Variants in C6 observed in about 807,000 individuals in gnomAD.
C6 encodes the protein complement C6, also known as complement component C6.
Under a neutral mutation model 112.9 loss-of-function variants are expected in C6, and 101 were observed. The ratio of observed to expected loss-of-function variants is 0.89; its 90% confidence interval spans 0.76 to 1.06. The LOEUF is 1.06. Ranked by LOEUF, C6 falls within the 50% of genes least tolerant of loss-of-function variation. The pLI is 0.00. For missense variants in C6, 1,202 were observed against 1,104.6 expected (o/e 1.09, Z -1.25); for synonymous variants, 431 against 384.1 (o/e 1.12, Z -1.43).
At chr5:41,214,655 A>C (rs144700334), upstream of C6, among the ~76,000 whole-genome samples, 1 of 152,286 alleles carries the variant, frequency 6.6e-6, no homozygotes, top group African/African-American at 2.4e-5. Context: ...CAGGAAAAGA[A>C]ATATTTGGTG....
chr5:41,246,404 T>C (rs1426927770), intron 1 of C6, among the ~76,000 whole-genome samples: 1 of 152,204 alleles, frequency 6.6e-6, no homozygotes, highest in Non-Finnish European at 1.5e-5. Context: ...GTTTTTGAAA[T>C]TGCATCCAAC....
intron 7 of C6, among the ~76,000 whole-genome samples, chr5:41,180,076 CTT>C (rs1580126598): frequency 6.6e-6 from 1 of 152,120 alleles, no homozygotes; most frequent in East Asian, 1.9e-4. Context: ...CTGATAATCT[CTT>C]AGAATTGTTT....
intron 1 of C6, among the ~76,000 whole-genome samples, chr5:41,209,411 G>A (rs183660864): frequency 4.5e-4 from 69 of 152,256 alleles, no homozygotes; most frequent in African/African-American, 1.5e-3. Context: ...TATTCAATTA[G>A]GAAAAGAGGG....
rs574803457 is a variant in C6, at chr5:41,229,093, C to T, written c.-20-25843G>A. On this transcript the variant is annotated intron_variant, in intron 1 of 17. Coordinates refer to the C6 transcript ENST00000263413. The stretch of plus-strand genomic sequence containing the variant: ...TAGTGCCACTGCACTCCAGCTTGGG[C>T]GACAGAGCACGACTCCATCAAAAAG... 9.9e-5 allele frequency among the ~76,000 whole-genome samples: 15 copies of T among 152,072 alleles called. 1 individual carries two copies. The highest frequency in any genetic ancestry group is 2.6e-4 in the African/African-American group (11 of 41,510).
intron 6 of C6, among the ~76,000 whole-genome samples, chr5:41,183,918 A>G (rs1409355604): frequency 6.6e-6 from 1 of 150,490 alleles, no homozygotes; most frequent in Non-Finnish European, 1.5e-5. Context: ...TATAAGTGAG[A>G]GCTAAACATC....
chr5:41,240,645 C>G (rs569388095), intron 1 of C6, among the ~76,000 whole-genome samples: 1 of 152,072 alleles, frequency 6.6e-6, no homozygotes, highest in Non-Finnish European at 1.5e-5. Context: ...TGCACAGATA[C>G]CAGCAGTGGT....
At chr5:41,202,992 T>C (rs753242546) in intron 2 of C6, 96 bp downstream of exon 2, 14 of 1,132,324 alleles carry the variant, frequency 1.2e-5, no homozygotes, top group Non-Finnish European at 1.7e-5. Context: ...TTGATATATA[T>C]ATGTTCCCAT....
At chr5:41,233,825 G>A (rs1477132966) in intron 1 of C6, among the ~76,000 whole-genome samples, 1 of 151,994 alleles carries the variant, frequency 6.6e-6, no homozygotes, top group Non-Finnish European at 1.5e-5. Flanking sequence ...GTTATTGGCA[G>A]GTTATATGAG....
intron 5 of C6, 161 bp from the exon 6 acceptor site, chr5:41,186,369 G>A (rs1262136101): frequency 8.3e-6 from 6 of 722,550 alleles, no homozygotes; most frequent in African/African-American, 7.1e-5. Flanking sequence ...AGTCCATGGT[G>A]AGGCATGCAA....
chr5:41,176,351 C>T, intron 8 of C6, 124 bp downstream of exon 8: 4 of 975,928 alleles, frequency 4.1e-6, no homozygotes, highest in Admixed American at 2.6e-5. Flanking sequence ...TTCTTCATAT[C>T]ATTTTGGAAA....
At chr5:41,177,333 G>T (rs909574564) in intron 7 of C6, among the ~76,000 whole-genome samples, 2 of 152,090 alleles carry the variant, frequency 1.3e-5, no homozygotes, top group Non-Finnish European at 2.9e-5. Context: ...CCCATATGCA[G>T]AAATATATGA....
At chr5:41,257,873 C>T (rs1313533011) in intron 1 of C6, among the ~76,000 whole-genome samples, 1 of 151,820 alleles carries the variant, frequency 6.6e-6, no homozygotes, top group Non-Finnish European at 1.5e-5. Context: ...CTGGATTGTT[C>T]CCACCTACAT....
chr5:41,238,300 G>A (rs1435400833), intron 1 of C6, among the ~76,000 whole-genome samples: 2 of 147,446 alleles, frequency 1.4e-5, no homozygotes, highest in African/African-American at 5.0e-5. Flanking sequence ...AACAAAGCTG[G>A]AGGCATCACA....
intron 1 of C6, among the ~76,000 whole-genome samples, chr5:41,208,238 T>A (rs896149957): frequency 6.6e-6 from 1 of 152,184 alleles, no homozygotes; most frequent in Middle Eastern, 3.2e-3. Context: ...GAGGGAAATT[T>A]ATAGCACTAA....
intron 1 of C6, among the ~76,000 whole-genome samples, chr5:41,227,954 A>T (rs548011924): frequency 6.6e-5 from 10 of 152,180 alleles, no homozygotes; most frequent in Admixed American, 4.6e-4. Flanking sequence ...TATTTGAGGC[A>T]TTTTTGGTTC....
At chr5:41,236,484 C>A (rs1740312479) in intron 1 of C6, among the ~76,000 whole-genome samples, 1 of 147,508 alleles carries the variant, frequency 6.8e-6, no homozygotes, top group South Asian at 2.2e-4. Flanking sequence ...CTACTGGGTA[C>A]ATAACGAAAT....
Position 41,210,616 on chromosome 5 carries a change from G to A in C6, c.-21+2760C>T, listed in dbSNP as rs542762011. On this transcript the variant is annotated intron_variant, in intron 1 of 17. Coordinates refer to ENST00000337836, the MANE Select transcript of C6 (RefSeq NM_000065.5). ...CTTCTCAAAAGAAGACATTTATGCA[G>A]CCAACAGAGATATGAAAAAAATGCT... 2.2e-3 allele frequency among the ~76,000 whole-genome samples: 333 copies of A among 152,232 alleles called. 3 individuals are homozygous for A. The highest frequency in any genetic ancestry group is 7.6e-3 in the African/African-American group (314 of 41,536).
chr5:41,189,501 T>C (rs1357137844), intron 5 of C6, among the ~76,000 whole-genome samples: 1 of 152,042 alleles, frequency 6.6e-6, no homozygotes, highest in East Asian at 1.9e-4. Flanking sequence ...TATTACATTT[T>C]TAAAAATTGT....
At chr5:41,221,251 G>T (rs1198700688) in intron 1 of C6, among the ~76,000 whole-genome samples, 1 of 151,948 alleles carries the variant, frequency 6.6e-6, no homozygotes. Flanking sequence ...TAGTTTTCAT[G>T]AAAACTCTAC....
Sources: gnomAD v4.1 joint callset for allele counts (sites outside exome capture counted in the v4.1 genomes callset) on GRCh38, gnomAD v4.1.1 for gene constraint, MANE v1.5 for transcripts, NCBI Gene and HGNC (gene_info 2026-07-23, HGNC 2026-07-21) for gene names.